Variants in MVB12B observed in about 807,000 individuals in gnomAD.
MVB12B encodes multivesicular body subunit 12B, also known as ESCRT-I complex subunit MVB12B.
MVB12B carries 16 observed loss-of-function variants against 41.6 expected under a neutral mutation model. The observed-to-expected ratio is 0.38, with a 90% confidence interval of 0.26 to 0.58. MVB12B has a LOEUF of 0.58. MVB12B is among the 20% of genes least tolerant of loss of function. The pLI is 0.62. For missense variants in MVB12B, 274 were observed against 380.2 expected (o/e 0.72, Z 2.32); for synonymous variants, 133 against 139.7 (o/e 0.95, Z 0.34).
chr9:126,445,939 A>T (rs1832754280), intron 7 of MVB12B, among the ~76,000 whole-genome samples: 1 of 152,216 alleles, frequency 6.6e-6, no homozygotes, highest in South Asian at 2.1e-4. Context: ...CTTTGATAAC[A>T]TTTATACACC....
At chr9:126,488,895 C>T (rs1237388915) in intron 9 of MVB12B, among the ~76,000 whole-genome samples, 1 of 152,160 alleles carries the variant, frequency 6.6e-6, no homozygotes, top group African/African-American at 2.4e-5. Context: ...TCCAACAAAC[C>T]GTGTGACCCT....
At chr9:126,416,097 G>T (rs1281775553) in intron 6 of MVB12B, among the ~76,000 whole-genome samples, 2 of 152,234 alleles carry the variant, frequency 1.3e-5, no homozygotes, top group African/African-American at 4.8e-5. Context: ...GCCGTGGGCG[G>T]GTTTGGATTT....
chr9:126,344,737 TTA>T (rs1274922834), intron 2 of MVB12B, among the ~76,000 whole-genome samples: 2 of 152,248 alleles, frequency 1.3e-5, no homozygotes, highest in Non-Finnish European at 2.9e-5. Flanking sequence ...GATTTATTTC[TTA>T]CAGGTCTGGA....
chr9:126,398,096 T>C (rs1831168678), intron 6 of MVB12B, among the ~76,000 whole-genome samples: 3 of 152,030 alleles, frequency 2.0e-5, no homozygotes, highest in African/African-American at 4.8e-5. Context: ...TTGCTCCCGG[T>C]GCTCCCTGCA....
chr9:126,370,399 C>G (rs1419705534), intron 2 of MVB12B, among the ~76,000 whole-genome samples: 1 of 138,362 alleles, frequency 7.2e-6, no homozygotes. Flanking sequence ...TTTTTTTTTC[C>G]CCAGACAGAG....
At position 126,338,522 on chromosome 9, in the gene MVB12B, T is replaced by C. The variant is rs138169014; in HGVS notation, c.82-1986T>C. On this transcript the variant is annotated intron_variant, in intron 1 of 9. Coordinates refer to ENST00000361171, the MANE Select transcript of MVB12B (RefSeq NM_033446.3). Reference sequence around the variant, plus strand: ...TACCCCCACTTCTCTCTCTCCTCCTTTTTCTTTGTCACTTTCTTTTCTCTC... The same window carrying C: ...TACCCCCACTTCTCTCTCTCCTCCTCTTTCTTTGTCACTTTCTTTTCTCTC... Among the ~76,000 whole-genome samples, 81 of 152,196 alleles carry C rather than the reference T, an allele frequency of 5.3e-4. 1 individual carries two copies. The highest frequency in any genetic ancestry group is 1.4e-3 in the African/African-American group (60 of 41,522).
At chr9:126,462,938 A>G (rs1318924035) in intron 7 of MVB12B, among the ~76,000 whole-genome samples, 3 of 152,234 alleles carry the variant, frequency 2.0e-5, no homozygotes, top group Non-Finnish European at 2.9e-5. Context: ...AATCTGGGTA[A>G]TTGATGGCAT....
At chr9:126,365,004 G>A (rs945582081) in intron 2 of MVB12B, among the ~76,000 whole-genome samples, 27 of 150,700 alleles carry the variant, frequency 1.8e-4, no homozygotes, top group Non-Finnish European at 2.9e-4. Context: ...CACCTGCCTC[G>A]GCCTCCCAAA....
At chr9:126,339,352 A>G (rs972097562) in intron 1 of MVB12B, among the ~76,000 whole-genome samples, 1 of 152,248 alleles carries the variant, frequency 6.6e-6, no homozygotes, top group Non-Finnish European at 1.5e-5. Context: ...GAGATCTGGC[A>G]GACCTGCAGC....
chr9:126,431,220 A>G (rs935784853), intron 7 of MVB12B, among the ~76,000 whole-genome samples: 1 of 152,224 alleles, frequency 6.6e-6, no homozygotes, highest in Non-Finnish European at 1.5e-5. Context: ...GCTCTCTGGC[A>G]TGGCTCAGCT....
chr9:126,349,132 T>C (rs1238500172), intron 2 of MVB12B, among the ~76,000 whole-genome samples: 1 of 152,036 alleles, frequency 6.6e-6, no homozygotes, highest in Admixed American at 6.5e-5. Context: ...AAGGGCAGTG[T>C]CAAGCAGGGT....
intron 9 of MVB12B, among the ~76,000 whole-genome samples, chr9:126,501,094 G>C (rs1259448201): frequency 6.6e-6 from 1 of 152,360 alleles, no homozygotes; most frequent in African/African-American, 2.4e-5. Flanking sequence ...CTTTGGCGCA[G>C]CTCCCCCTCC....
Position 126,450,596 on chromosome 9 carries a change from T to C in MVB12B, c.757+28648T>C, listed in dbSNP as rs12003000. Among the ~76,000 whole-genome samples, 1,129 of 152,234 alleles carry C rather than the reference T, an allele frequency of 7.4e-3. 13 individuals are homozygous for C. The highest frequency in any genetic ancestry group is 0.044 in the East Asian group (227 of 5,182). On this transcript the variant is annotated intron_variant, in intron 7 of 9. Coordinates refer to ENST00000361171, the MANE Select transcript of MVB12B (RefSeq NM_033446.3). ...AGAGATGGAGGGGTGCCAGAACAGATGTTGGTCATTTTCTCACGTTTGGGA... is the reference window on the plus strand; with the variant it reads ...AGAGATGGAGGGGTGCCAGAACAGACGTTGGTCATTTTCTCACGTTTGGGA...
At chr9:126,471,382 C>T (rs965693892) in intron 7 of MVB12B, among the ~76,000 whole-genome samples, 2 of 152,358 alleles carry the variant, frequency 1.3e-5, no homozygotes, top group South Asian at 2.1e-4. Context: ...GCCTGTGCTC[C>T]GTCCTCCCGT....
At chr9:126,450,265 C>CCT (rs1028345310) in intron 7 of MVB12B, among the ~76,000 whole-genome samples, 2 of 152,074 alleles carry the variant, frequency 1.3e-5, no homozygotes, top group African/African-American at 4.8e-5. Flanking sequence ...AGCTCCACTT[C>CCT]CTCTCATTAG....
At chr9:126,437,638 T>C (rs1435548550) in intron 7 of MVB12B, among the ~76,000 whole-genome samples, 2 of 152,260 alleles carry the variant, frequency 1.3e-5, no homozygotes, top group African/African-American at 4.8e-5. Flanking sequence ...ATTAATCTCT[T>C]CTTTTCAGCC....
intron 7 of MVB12B, among the ~76,000 whole-genome samples, chr9:126,475,750 G>C (rs1464094628): frequency 1.3e-5 from 2 of 152,170 alleles, no homozygotes; most frequent in African/African-American, 4.8e-5. Context: ...GCCATGTGTG[G>C]TGGCTCACAC....
chr9:126,404,637 C>G (rs1022674713), intron 6 of MVB12B, among the ~76,000 whole-genome samples: 1 of 152,206 alleles, frequency 6.6e-6, no homozygotes, highest in African/African-American at 2.4e-5. Context: ...GGTCAGAAAC[C>G]GCCTAAGCGG....
rs144742863 is a variant in MVB12B, at chr9:126,364,082, A to G, written c.205-16982A>G. 3.5e-3 allele frequency among the ~76,000 whole-genome samples: 530 copies of G among 152,266 alleles called. 2 individuals carry two copies. Among genetic ancestry groups the G allele is most frequent in the African/African-American group, 0.012 (502 of 41,538 alleles). The stretch of plus-strand genomic sequence containing the variant: ...ACACACAGGATGTTTATTGAATTGA[A>G]TTAGCTGGCTCCTTTCTGTTTGGCC... On this transcript the variant is annotated intron_variant, in intron 2 of 9. Transcript: ENST00000361171.
Sources: allele counts gnomAD v4.1 joint callset (sites outside exome capture counted in the v4.1 genomes callset), GRCh38; gene constraint gnomAD v4.1.1; transcripts MANE v1.5; gene names NCBI Gene and HGNC (gene_info 2026-07-23, HGNC 2026-07-21).